The following ADGB variants were observed in gnomAD, a reference collection of about 807,000 sequenced individuals.
ADGB encodes the protein androglobin, also known as calpain-7-like protein.
Under a neutral mutation model 210.5 loss-of-function variants are expected in ADGB, and 172 were observed. That is an observed-to-expected ratio of 0.82 (90% CI 0.72 to 0.93). The LOEUF (loss-of-function observed/expected upper bound fraction) is 0.93. ADGB is among the 40% of genes least tolerant of loss of function. ADGB has a pLI of 0.00. For synonymous variants in ADGB, 658 were observed against 662.7 expected (o/e 0.99, Z 0.11); for missense variants, 2,025 against 1,964.8 (o/e 1.03, Z -0.58).
intron 1 of ADGB, among the ~76,000 whole-genome samples, chr6:146,629,478 T>C (rs1781028047): frequency 6.6e-6 from 1 of 152,166 alleles, no homozygotes; most frequent in African/African-American, 2.4e-5. Context: ...GTAGGCCAAT[T>C]AGAGATAAAG....
At chr6:146,616,570 T>C (rs1171040464) in intron 1 of ADGB, among the ~76,000 whole-genome samples, 2 of 152,182 alleles carry the variant, frequency 1.3e-5, no homozygotes, top group Non-Finnish European at 2.9e-5. Context: ...AATTCTTACA[T>C]TTAAATGTTT....
chr6:146,604,666 T>C (rs191545397), intron 1 of ADGB, among the ~76,000 whole-genome samples: 176 of 152,326 alleles, frequency 1.2e-3, no homozygotes, highest in African/African-American at 3.9e-3. Flanking sequence ...TTGCCCATGC[T>C]GAAGTCACTG....
chr6:146,607,191 C>A (rs1490974858), intron 1 of ADGB, among the ~76,000 whole-genome samples: 2 of 152,068 alleles, frequency 1.3e-5, no homozygotes, highest in Admixed American at 1.3e-4. Context: ...TAATTTGGAT[C>A]TCAGCTTAGA....
intron 2 of ADGB, among the ~76,000 whole-genome samples, chr6:146,643,791 T>C (rs1775555650): frequency 6.6e-6 from 1 of 151,850 alleles, no homozygotes; most frequent in Admixed American, 6.6e-5. Context: ...TGAACAAACG[T>C]CTTTACATGA....
At position 146,740,594 on chromosome 6, in the gene ADGB, G is replaced by T. The variant is rs1215114145; in HGVS notation, c.3023+1G>T. The T allele has an allele frequency of 6.5e-7, 1 of 1,549,924 alleles. No homozygotes were observed. Among genetic ancestry groups the T allele is most frequent in the Admixed American group, 2.0e-5 (1 of 50,708 alleles). On this transcript the variant is annotated splice_donor_variant, in intron 24 of 35. Coordinates refer to ENST00000397944, the MANE Select transcript of ADGB (RefSeq NM_024694.4). LOFTEE classifies it high-confidence loss of function. The stretch of plus-strand genomic sequence containing the variant: ...CAAATTCTTGGTTTATAGTATTCAG[G>T]TGAGGTTGTTATATAGTGACAAATA...
chr6:146,641,860 C>T (rs9322067), intron 2 of ADGB, among the ~76,000 whole-genome samples: 1 of 151,850 alleles, frequency 6.6e-6, no homozygotes, highest in East Asian at 1.9e-4. Flanking sequence ...GATTTCATGA[C>T]GAAGCCACCA....
intron 5 of ADGB, among the ~76,000 whole-genome samples, chr6:146,661,459 C>A (rs1240201873): frequency 6.6e-6 from 1 of 151,934 alleles, no homozygotes; most frequent in Non-Finnish European, 1.5e-5. Flanking sequence ...CTCAAGTGAT[C>A]CTCCTGTCTC....
intron 1 of ADGB, among the ~76,000 whole-genome samples, chr6:146,604,391 C>T (rs898588013): frequency 6.6e-6 from 1 of 152,010 alleles, no homozygotes; most frequent in Non-Finnish European, 1.5e-5. Flanking sequence ...AAATCTTCGC[C>T]GTAATACTTT....
At chr6:146,721,777 G>T (rs1397631615) in intron 17 of ADGB, among the ~76,000 whole-genome samples, 1 of 152,160 alleles carries the variant, frequency 6.6e-6, no homozygotes, top group African/African-American at 2.4e-5. Flanking sequence ...GGCGGAGGTT[G>T]CAGTGAGCCG....
At chr6:146,670,568 G>T (rs1204668286) in intron 7 of ADGB, among the ~76,000 whole-genome samples, 1 of 152,124 alleles carries the variant, frequency 6.6e-6, no homozygotes, top group African/African-American at 2.4e-5. Context: ...GCCTAGTTGA[G>T]CATCCAATCT....
At chr6:146,749,609 T>C (rs942473440) in intron 26 of ADGB, among the ~76,000 whole-genome samples, 2 of 152,120 alleles carry the variant, frequency 1.3e-5, no homozygotes, top group Non-Finnish European at 2.9e-5. Context: ...CTTGAAACCT[T>C]GGCAAGAGTA....
chr6:146,710,834 T>C (rs1389336245), intron 13 of ADGB, among the ~76,000 whole-genome samples: 1 of 152,178 alleles, frequency 6.6e-6, no homozygotes, highest in Non-Finnish European at 1.5e-5. Context: ...TTTTATTTTA[T>C]TTAACTGCTT....
chr6:146,646,833 A>T (rs1399911887), intron 3 of ADGB, among the ~76,000 whole-genome samples: 4 of 152,182 alleles, frequency 2.6e-5, no homozygotes, highest in African/African-American at 9.6e-5. Flanking sequence ...TCATGCCTGT[A>T]ATCCCAGCAC....
At chr6:146,727,277 C>T (rs935891482) in intron 19 of ADGB, among the ~76,000 whole-genome samples, 2 of 151,960 alleles carry the variant, frequency 1.3e-5, no homozygotes, top group African/African-American at 4.8e-5. Flanking sequence ...CCACACATGT[C>T]ACACTCATGC....
At chr6:146,773,396 T>C (rs1042112811) in intron 29 of ADGB, among the ~76,000 whole-genome samples, 8 of 152,094 alleles carry the variant, frequency 5.3e-5, no homozygotes, top group Admixed American at 6.6e-5. Context: ...TAATGAAAAA[T>C]ATATAAATGG....
chr6:146,714,609 G>A (rs1776704985), intron 13 of ADGB, among the ~76,000 whole-genome samples: 1 of 152,186 alleles, frequency 6.6e-6, no homozygotes. Context: ...TGCTGAACCA[G>A]AAAGATTAGG....
chr6:146,767,192 G>A (rs1777588329), intron 28 of ADGB, among the ~76,000 whole-genome samples: 3 of 152,094 alleles, frequency 2.0e-5, no homozygotes, highest in Admixed American at 2.0e-4. Flanking sequence ...TGCTATAATT[G>A]TTAGTATTTA....
At chr6:146,698,003 A>G (rs1439422453) in intron 12 of ADGB, among the ~76,000 whole-genome samples, 1 of 152,208 alleles carries the variant, frequency 6.6e-6, no homozygotes, top group Admixed American at 6.6e-5. Context: ...GTTTTCAGCT[A>G]TCCTATTAAT....
intron 1 of ADGB, among the ~76,000 whole-genome samples, chr6:146,618,486 G>C (rs907906377): frequency 2.6e-5 from 4 of 151,818 alleles, no homozygotes; most frequent in Non-Finnish European, 5.9e-5. Flanking sequence ...CTTTTTTGAT[G>C]AAAGTGTTTA....
Sources: gnomAD v4.1 joint callset for allele counts (sites outside exome capture counted in the v4.1 genomes callset) on GRCh38, gnomAD v4.1.1 for gene constraint, MANE v1.5 for transcripts, NCBI Gene and HGNC (gene_info 2026-07-23, HGNC 2026-07-21) for gene names.